The following ILDR2 variants were observed in gnomAD, a reference collection of about 807,000 sequenced individuals.
ILDR2 encodes immunoglobulin like domain containing receptor 2.
Under a neutral mutation model 66.8 loss-of-function variants are expected in ILDR2, and 25 were observed. The observed-to-expected ratio is 0.37, with a 90% confidence interval of 0.27 to 0.52. The LOEUF is 0.52. Ranked by LOEUF, ILDR2 falls within the 20% of genes least tolerant of loss-of-function variation. ILDR2 has a pLI of 0.88. For missense variants in ILDR2, 827 were observed against 876.8 expected (o/e 0.94, Z 0.72); for synonymous variants, 367 against 357.2 (o/e 1.03, Z -0.31).
intron 3 of ILDR2, among the ~76,000 whole-genome samples, chr1:166,954,376 C>G (rs974289992): frequency 6.6e-6 from 1 of 152,164 alleles, no homozygotes; most frequent in Non-Finnish European, 1.5e-5. Flanking sequence ...ACAAAAAAGA[C>G]TCAGAATTTT....
At chr1:166,933,564 G>A in intron 6 of ILDR2, 1 of 982,424 alleles carries the variant, frequency 1.0e-6, no homozygotes, top group Non-Finnish European at 1.2e-6. Flanking sequence ...GACCAAAATG[G>A]TTGAACTGCA....
intron 7 of ILDR2, among the ~76,000 whole-genome samples, chr1:166,926,797 C>T (rs796111681): frequency 3.9e-5 from 6 of 152,004 alleles, no homozygotes; most frequent in African/African-American, 1.2e-4. Flanking sequence ...ATCCATGGGG[C>T]ATGGATAACA....
downstream of ILDR2, among the ~76,000 whole-genome samples, chr1:166,904,402 C>T (rs1659307686): frequency 6.6e-6 from 1 of 152,222 alleles, no homozygotes; most frequent in Non-Finnish European, 1.5e-5. Context: ...ATGGCTTGCA[C>T]TGTATCAATT....
At chr1:166,919,958 C>A (rs1253266534) in intron 9 of ILDR2, among the ~76,000 whole-genome samples, 2 of 152,066 alleles carry the variant, frequency 1.3e-5, no homozygotes, top group Admixed American at 1.3e-4. Flanking sequence ...GGTCAGAGGC[C>A]CTTGGTACCC....
rs1336699031 is a variant in ILDR2, at chr1:166,915,864, TGTGAGGCCTAGCATCTCC to T, written c.*3473_*3490del. 2.0e-5 allele frequency: 3 copies of T among 152,180 alleles called. No homozygotes were observed. The highest frequency in any genetic ancestry group is 4.4e-5 in the Non-Finnish European group (3 of 68,056). 9.4% of individuals were successfully genotyped at this position (152,180 alleles called of 1,614,324 possible). A position where few individuals can be genotyped will look rare whatever the true frequency, so the allele number is the denominator to read the frequency against. ...ACAGTGAGGATCATGAGAAGGGGGA[TGTGAGGCCTAGCATCTCC>T]GTGAGGCCTGCCCTGTGTTGGTGAA... On this transcript the variant is annotated 3_prime_UTR_variant, in exon 10 of 10. Coordinates refer to ENST00000271417, the MANE Select transcript of ILDR2 (RefSeq NM_199351.3).
exon 3 of ILDR2, chr1:166,895,929 T>A (rs1659159472): frequency 6.6e-6 from 1 of 152,204 alleles, no homozygotes; most frequent in Non-Finnish European, 1.5e-5. Flanking sequence ...TGTTCTCATG[T>A]CTTCATAGAT....
intron 4 of ILDR2, among the ~76,000 whole-genome samples, chr1:166,937,430 G>C (rs544188739): frequency 3.2e-4 from 48 of 152,348 alleles, no homozygotes; most frequent in African/African-American, 1.1e-3. Context: ...CCCGTGAACA[G>C]AGAATGAGTT....
At chr1:166,898,712 T>C (rs1337572784) in intron 2 of ILDR2, among the ~76,000 whole-genome samples, 1 of 152,206 alleles carries the variant, frequency 6.6e-6, no homozygotes, top group Non-Finnish European at 1.5e-5. Context: ...ACATTCATTT[T>C]TTTTCCTAAC....
At chr1:166,955,069 A>C (rs1371930157) in intron 3 of ILDR2, among the ~76,000 whole-genome samples, 1 of 152,166 alleles carries the variant, frequency 6.6e-6, no homozygotes, top group Non-Finnish European at 1.5e-5. Flanking sequence ...ATTAAGCAAA[A>C]ATGTGTCTTT....
chr1:166,961,550 A>G (rs1260157488), intron 1 of ILDR2, among the ~76,000 whole-genome samples: 1 of 152,230 alleles, frequency 6.6e-6, no homozygotes, highest in Non-Finnish European at 1.5e-5. Flanking sequence ...CATGACCTCA[A>G]GCAAACTACT....
At chr1:166,905,311 T>C (rs1020661163), downstream of ILDR2, among the ~76,000 whole-genome samples, 2 of 152,238 alleles carry the variant, frequency 1.3e-5, no homozygotes, top group African/African-American at 4.8e-5. Flanking sequence ...TCTTTCCTTG[T>C]GAACCCATTA....
chr1:166,898,710 T>C (rs954512945), intron 2 of ILDR2, among the ~76,000 whole-genome samples: 28 of 152,216 alleles, frequency 1.8e-4, no homozygotes, highest in African/African-American at 6.5e-4. Context: ...AGACATTCAT[T>C]TTTTTTCCTA....
chr1:166,951,753 A>G (rs1661993907), intron 3 of ILDR2, among the ~76,000 whole-genome samples: 1 of 152,216 alleles, frequency 6.6e-6, no homozygotes, highest in African/African-American at 2.4e-5. Flanking sequence ...ATTCCAAAAA[A>G]CCATCTTGTT....
chr1:166,950,477 T>A (rs1661908014), intron 3 of ILDR2, among the ~76,000 whole-genome samples: 1 of 151,470 alleles, frequency 6.6e-6, no homozygotes, highest in African/African-American at 2.4e-5. Flanking sequence ...GTCACAGGGG[T>A]AGGGGGTGGA....
rs1659737059 is a variant in ILDR2, at chr1:166,918,761, T to G, written c.*594A>C. ...TAAGAATTGTCATTCAGAACAGCAG[T>G]GAAGTCATTTCTGTGATTGTCCCAG... On this transcript the variant is annotated 3_prime_UTR_variant, in exon 10 of 10. Transcript: ENST00000271417. 6.5e-6 allele frequency: 1 copy of G among 153,978 alleles called. No individual in the cohort carries two copies. Among genetic ancestry groups the G allele is most frequent in the Non-Finnish European group, 1.4e-5 (1 of 68,988 alleles). 9.5% of individuals were successfully genotyped at this position (153,978 alleles called of 1,614,324 possible). A position where few individuals can be genotyped will look rare whatever the true frequency, so the allele number is the denominator to read the frequency against.
chr1:166,919,715 T>C (rs1659787708), intron 9 of ILDR2, among the ~76,000 whole-genome samples: 1 of 152,212 alleles, frequency 6.6e-6, no homozygotes, highest in South Asian at 2.1e-4. Flanking sequence ...TCCCTACTCA[T>C]AGTACTTTGG....
Position 166,908,360 on chromosome 1 carries a change from T to C in ILDR2, c.*10995A>G, listed in dbSNP as rs146120336. 2.4e-4 allele frequency: 36 copies of C among 152,310 alleles called. 1 individual carries two copies. Among genetic ancestry groups the C allele is most frequent in the African/African-American group, 8.2e-4 (34 of 41,556 alleles). The allele number at this position is 152,310 out of a possible 1,614,324, so 9.4% of individuals were successfully genotyped here. A position where few individuals can be genotyped will look rare whatever the true frequency, so the allele number is the denominator to read the frequency against. On this transcript the variant is annotated 3_prime_UTR_variant, in exon 10 of 10. Transcript: ENST00000271417. ...AGGAAGTAATCTCTCTCCTGTCTCT[T>C]CTTATAAGGACACTAATTCCATCAT...
rs981039243 is a variant in ILDR2 at position 166,919,030 on chromosome 1, C to G, written c.*325G>C. The G allele has an allele frequency of 1.4e-5, 6 of 442,438 alleles. No individual in the cohort carries two copies. The highest frequency in any genetic ancestry group is 1.2e-4 in the African/African-American group (6 of 50,204). 27.4% of individuals were successfully genotyped at this position (442,438 alleles called of 1,614,324 possible). ...GGAGTTTAGCAGTCCAGAGCTAACTCTCTTTCAGAATTGCAAATGGAGTCC... is the reference window on the plus strand; with the variant it reads ...GGAGTTTAGCAGTCCAGAGCTAACTGTCTTTCAGAATTGCAAATGGAGTCC... On this transcript the variant is annotated 3_prime_UTR_variant, in exon 10 of 10. Coordinates refer to ENST00000271417, the MANE Select transcript of ILDR2 (RefSeq NM_199351.3).
intron 6 of ILDR2, chr1:166,933,661 A>G (rs1016361005): frequency 4.7e-6 from 2 of 422,742 alleles, no homozygotes; most frequent in African/African-American, 4.3e-5. Flanking sequence ...TAGATAATCC[A>G]TTAAAAAATA....
Sources: allele counts gnomAD v4.1 joint callset (sites outside exome capture counted in the v4.1 genomes callset), GRCh38; gene constraint gnomAD v4.1.1; transcripts MANE v1.5; gene names NCBI Gene and HGNC (gene_info 2026-07-23, HGNC 2026-07-21).